The following ZNF469 variants were observed in gnomAD, a reference collection of about 807,000 sequenced individuals.
ZNF469 encodes zinc finger protein 469.
A neutral mutation model predicts 1.0 loss-of-function variants in ZNF469; 1 was observed. The observed-to-expected ratio is 1.00, with a 90% confidence interval of 0.35 to 4.73. The LOEUF (loss-of-function observed/expected upper bound fraction) is 4.73, where lower values mean the gene tolerates loss of function less well. Ranked by LOEUF, ZNF469 falls within the 30% of genes most tolerant of loss-of-function variation. The pLI is 0.16. For synonymous variants in ZNF469, 2,703 were observed against 2,363.4 expected, an observed-to-expected ratio of 1.14 and a Z score of -4.17; for missense variants, 6,100 against 5,356.3, an observed-to-expected ratio of 1.14 and a Z score of -4.33.
chr16:88,160,125 G>A, the ZNF469 span, among the ~76,000 whole-genome samples: 2 of 152,172 alleles, frequency 1.3e-5, no homozygotes, highest in African/African-American at 4.8e-5. Flanking sequence ...AGAACCCACC[G>A]AAGGGTGCTG....
chr16:88,256,244 T>A, the ZNF469 span, among the ~76,000 whole-genome samples: 1 of 152,218 alleles, frequency 6.6e-6, no homozygotes, highest in African/African-American at 2.4e-5. Flanking sequence ...CAACCACTCA[T>A]CTTTTGATGG....
At chr16:88,269,027 G>C in the ZNF469 span, among the ~76,000 whole-genome samples, 1 of 152,220 alleles carries the variant, frequency 6.6e-6, no homozygotes, top group Admixed American at 6.5e-5. Flanking sequence ...GTTGACCTAG[G>C]AGGGTCTGGG....
the ZNF469 span, among the ~76,000 whole-genome samples, chr16:88,252,902 C>T: frequency 1.3e-5 from 2 of 152,222 alleles, no homozygotes; most frequent in African/African-American, 4.8e-5. Flanking sequence ...CTTTGAATCT[C>T]TATAGCCTGC....
chr16:88,266,936 G>A, the ZNF469 span, among the ~76,000 whole-genome samples: 2 of 152,110 alleles, frequency 1.3e-5, no homozygotes, highest in African/African-American at 4.8e-5. Flanking sequence ...GTGTGAGCTT[G>A]GTGGCGGGGG....
At chr16:88,196,259 C>T in the ZNF469 span, among the ~76,000 whole-genome samples, 3 of 152,250 alleles carry the variant, frequency 2.0e-5, no homozygotes, top group South Asian at 2.1e-4. Flanking sequence ...CAGGCCTGGC[C>T]CAGAACAAGA....
the ZNF469 span, among the ~76,000 whole-genome samples, chr16:88,170,593 C>T: frequency 7.2e-5 from 11 of 152,208 alleles, no homozygotes; most frequent in African/African-American, 1.7e-4. The surrounding 1 kb of genome is among the most constrained non-coding windows in gnomAD (Gnocchi z 4.2). Flanking sequence ...GCCTCCTCCA[C>T]GTCATCACAG....
the ZNF469 span, among the ~76,000 whole-genome samples, chr16:88,225,389 C>T: frequency 3.5e-4 from 54 of 152,240 alleles, 1 homozygote; most frequent in Non-Finnish European, 4.4e-4. Context: ...TTATAGAGTG[C>T]GAGGCATTTT....
At chr16:88,361,766 G>A in the ZNF469 span, among the ~76,000 whole-genome samples, 2 of 151,800 alleles carry the variant, frequency 1.3e-5, no homozygotes, top group African/African-American at 4.8e-5. Flanking sequence ...CATGTCCTAA[G>A]ATACTTTCTC....
the ZNF469 span, among the ~76,000 whole-genome samples, chr16:88,107,147 C>G: frequency 3.8e-5 from 1 of 26,628 alleles, no homozygotes; most frequent in South Asian, 3.8e-3. Flanking sequence ...CTCTGGCCAG[C>G]TGGAAAAGGC....
chr16:88,249,747 T>C, the ZNF469 span, among the ~76,000 whole-genome samples: 1 of 152,206 alleles, frequency 6.6e-6, no homozygotes, highest in Non-Finnish European at 1.5e-5. Context: ...ATTTTTTAAT[T>C]TTTTTATAGA....
the ZNF469 span, among the ~76,000 whole-genome samples, chr16:88,213,657 C>A: frequency 3.3e-5 from 5 of 152,180 alleles, no homozygotes; most frequent in African/African-American, 1.2e-4. Flanking sequence ...TCCTCCTCCT[C>A]CCCCAAAAGG....
chr16:88,305,602 A>G, the ZNF469 span, among the ~76,000 whole-genome samples: 1 of 150,588 alleles, frequency 6.6e-6, no homozygotes, highest in Non-Finnish European at 1.5e-5. Context: ...ACACCCTCAC[A>G]CATGCACACA....
chr16:88,414,356 G>A (rs765252621), intron 1 of ZNF469, among the ~76,000 whole-genome samples: 30 of 152,218 alleles, frequency 2.0e-4, no homozygotes, highest in Admixed American at 6.5e-5. Flanking sequence ...ACTTTGGTGT[G>A]GGGTGGAGGC....
In ZNF469 at chr16:88,438,374, C is replaced by A; in HGVS notation, c.10904C>A (p.Pro3635His). The A allele has an allele frequency of 6.5e-7, 1 of 1,550,208 alleles. No homozygotes were observed. Among genetic ancestry groups the A allele is most frequent in the Non-Finnish European group, 8.7e-7 (1 of 1,146,970 alleles). ...RAPGARGRCA[P>H]DHFQEDHLLQ... The stretch of plus-strand genomic sequence containing the variant: ...CCGGGTGCCCGTGGCAGGTGTGCCC[C>A]TGACCATTTCCAGGAAGACCACCTA... Residue 3635 changes from proline (P) to histidine (H), a missense_variant, in exon 3 of 3, where the codon CCT becomes CAT. Coordinates refer to ENST00000565624, the MANE Select transcript of ZNF469 (RefSeq NM_001367624.2).
chr16:88,169,447 T>C, the ZNF469 span, among the ~76,000 whole-genome samples: 2 of 152,120 alleles, frequency 1.3e-5, no homozygotes, highest in African/African-American at 4.8e-5. This position sits in a 1 kb window ranked among gnomAD's most constrained non-coding sequence, Gnocchi z 6.1. Flanking sequence ...GAGATGATTT[T>C]GCCTGTTCCA....
In ZNF469 at chr16:88,433,733, C is replaced by A. The variant is rs1468047251; in HGVS notation, c.6263C>A (p.Ser2088Tyr). The stretch of plus-strand genomic sequence containing the variant: ...GAGGGCCGGACTCCAGAGAGGGCGT[C>A]CAGCCCCGGCCTGAACAAGCCACTG... Reference protein sequence around the residue: ...GSEGRTPERASSPGLNKPLLA... With the variant: ...GSEGRTPERAYSPGLNKPLLA... The change falls in exon 3 of 3, where the codon TCC becomes TAC. Residue 2088 changes from serine to tyrosine, a missense_variant. Ser to Tyr is a moderately radical substitution (Grantham distance 144). Transcript: ENST00000565624. 3 of 1,548,830 alleles carry A rather than the reference C, an allele frequency of 1.9e-6. No individual in the cohort carries two copies. The highest frequency in any genetic ancestry group is 2.4e-5 in the East Asian group (1 of 40,914).
At chr16:88,242,951 A>T in the ZNF469 span, among the ~76,000 whole-genome samples, 1 of 152,214 alleles carries the variant, frequency 6.6e-6, no homozygotes, top group South Asian at 2.1e-4. Flanking sequence ...AAACAAAAGG[A>T]ACAGAAGCCT....
the ZNF469 span, among the ~76,000 whole-genome samples, chr16:88,247,291 G>A: frequency 3.1e-4 from 46 of 149,996 alleles, no homozygotes; most frequent in South Asian, 1.1e-3. Context: ...ATGAGTGAGC[G>A]AGTGAATGAG....
chr16:88,333,693 C>T, the ZNF469 span, among the ~76,000 whole-genome samples: 3 of 152,234 alleles, frequency 2.0e-5, no homozygotes, highest in Non-Finnish European at 2.9e-5. Flanking sequence ...GCTGCCTGCC[C>T]AGGGAAGGCA....
Sources: gnomAD v4.1 joint callset for allele counts (sites outside exome capture counted in the v4.1 genomes callset) on GRCh38, gnomAD v4.1.1 for gene constraint, Gnocchi (gnomAD v3.1) non-coding constraint, MANE v1.5 for transcripts, NCBI Gene and HGNC (gene_info 2026-07-23, HGNC 2026-07-21) for gene names.